Variants in GCNT1 observed in about 807,000 individuals in gnomAD.
GCNT1 encodes the protein glucosaminyl (N-acetyl) transferase 1, also known as beta-1,3-galactosyl-O-glycosyl-glycoprotein beta-1,6-N-acetylglucosaminyltransferase.
GCNT1 carries 16 observed loss-of-function variants against 26.2 expected under a neutral mutation model. The observed-to-expected ratio is 0.61, with a 90% CI of 0.41 to 0.93. The LOEUF is 0.93. Among genes scored for constraint, GCNT1 ranks in the 40% least tolerant of loss-of-function variants. The probability of loss-of-function intolerance (pLI) is 0.00; values close to 1 mark genes in which losing one functional copy is unlikely to be tolerated. For missense variants in GCNT1, 477 were observed against 526.7 expected, an observed-to-expected ratio of 0.91 and a Z score of 0.92; for synonymous variants, 183 against 190.8, an observed-to-expected ratio of 0.96 and a Z score of 0.34.
At chr9:76,455,037 A>G (rs1448545273), upstream of GCNT1, among the ~76,000 whole-genome samples, 1 of 151,800 alleles carries the variant, frequency 6.6e-6, no homozygotes, top group Non-Finnish European at 1.5e-5. Context: ...TAGTAGAGAC[A>G]GAGTTTCACC....
At chr9:76,464,782 G>T (rs1483039525) in intron 2 of GCNT1, among the ~76,000 whole-genome samples, 6 of 152,168 alleles carry the variant, frequency 3.9e-5, no homozygotes, top group Non-Finnish European at 8.8e-5. Context: ...CTTAAAAATT[G>T]AATATACTTC....
intron 1 of GCNT1, among the ~76,000 whole-genome samples, chr9:76,451,370 G>A (rs1004363594): frequency 6.6e-6 from 1 of 152,094 alleles, no homozygotes; most frequent in African/African-American, 2.4e-5. Context: ...CCTCCCTTTT[G>A]TTAATGATAA....
intron 1 of GCNT1, among the ~76,000 whole-genome samples, chr9:76,422,563 A>G (rs564763276): frequency 1.6e-4 from 25 of 152,152 alleles, no homozygotes; most frequent in Non-Finnish European, 2.5e-4. Context: ...GGTTTTTTTG[A>G]GACAGGGTTT....
the GCNT1 span, among the ~76,000 whole-genome samples, chr9:76,411,995 C>A: frequency 6.6e-6 from 1 of 152,162 alleles, no homozygotes; most frequent in African/African-American, 2.4e-5. Flanking sequence ...AGCCACCATG[C>A]CTGGCCAATT....
upstream of GCNT1, among the ~76,000 whole-genome samples, chr9:76,415,637 T>TTTAC (rs1219769958): frequency 5.3e-5 from 8 of 152,186 alleles, no homozygotes; most frequent in African/African-American, 1.9e-4. Context: ...CATAACCAGA[T>TTTAC]ATAAAATGGG....
chr9:76,411,697 C>CTTTTTTTTTT, the GCNT1 span, among the ~76,000 whole-genome samples: 5 of 83,650 alleles, frequency 6.0e-5, 1 homozygote, highest in African/African-American at 1.5e-4. Context: ...ATCAATTATA[C>CTTTTTTTTTT]TTTTTTTTTT....
intron 2 of GCNT1, among the ~76,000 whole-genome samples, chr9:76,470,685 A>G (rs2131604151): frequency 6.6e-6 from 1 of 152,214 alleles, no homozygotes; most frequent in Admixed American, 6.5e-5. Flanking sequence ...TGAAATGTGT[A>G]CATTTTATCA....
At chr9:76,406,130 A>C in the GCNT1 span, among the ~76,000 whole-genome samples, 2 of 152,158 alleles carry the variant, frequency 1.3e-5, no homozygotes, top group Non-Finnish European at 2.9e-5. Flanking sequence ...ATGACATATG[A>C]TGTGGAACAT....
intron 2 of GCNT1, among the ~76,000 whole-genome samples, chr9:76,492,967 C>G (rs1168462383): frequency 6.6e-6 from 1 of 152,106 alleles, no homozygotes; most frequent in Non-Finnish European, 1.5e-5. Context: ...GAGCTTTCTC[C>G]TGACATCTGC....
the GCNT1 span, chr9:76,394,375 G>A: frequency 2.2e-4 from 108 of 500,000 alleles, no homozygotes; most frequent in African/African-American, 2.1e-3. Flanking sequence ...ACCGCCGGGC[G>A]CCTGAGGAGC....
chr9:76,492,706 C>T (rs55720739), intron 2 of GCNT1, among the ~76,000 whole-genome samples: 12,271 of 150,914 alleles, frequency 0.081, 572 homozygotes, highest in Middle Eastern at 0.17. Flanking sequence ...TCTCGTTGGA[C>T]AATCTTTTTT....
At chr9:76,484,075 TATTCTATCAGAA>T (rs1824499935) in intron 2 of GCNT1, among the ~76,000 whole-genome samples, 2 of 152,208 alleles carry the variant, frequency 1.3e-5, no homozygotes, top group Admixed American at 1.3e-4. Flanking sequence ...TATTGGTATA[TATTCTATCAGAA>T]AGTAAAACTG....
At chr9:76,455,415 T>C (rs760085699), upstream of GCNT1, among the ~76,000 whole-genome samples, 3 of 152,168 alleles carry the variant, frequency 2.0e-5, no homozygotes, top group Non-Finnish European at 2.9e-5. Flanking sequence ...CGCATGTCTA[T>C]GGCCTTGTTG....
At position 76,502,849 on chromosome 9, in the gene GCNT1, A is replaced by G. The variant is rs771478745; in HGVS notation, c.468A>G (p.Thr156=). 1 of 1,614,118 alleles carries G rather than the reference A, an allele frequency of 6.2e-7. No homozygotes were observed. Among genetic ancestry groups the G allele is most frequent in the South Asian group, 1.1e-5 (1 of 91,084 alleles). The part of the protein sequence containing the change: ...PQNFYCIHVD[T]KSEDSYLAAV... ...ATTTCTATTGCATTCATGTGGACAC[A>G]AAATCCGAGGATTCCTATTTAGCTG... The change falls in exon 4 of 4, where the codon ACA becomes ACG. Residue 156 remains threonine, a synonymous_variant. Transcript: ENST00000376730.
At chr9:76,410,889 T>C in the GCNT1 span, among the ~76,000 whole-genome samples, 1 of 152,234 alleles carries the variant, frequency 6.6e-6, no homozygotes, top group Non-Finnish European at 1.5e-5. Flanking sequence ...ACATATACAC[T>C]ATGGATTGTT....
chr9:76,446,812 C>A (rs1823584607), intron 1 of GCNT1, among the ~76,000 whole-genome samples: 1 of 152,106 alleles, frequency 6.6e-6, no homozygotes, highest in Admixed American at 6.5e-5. Flanking sequence ...ATGGGCCAAG[C>A]ATAGTGGCTT....
chr9:76,435,237 G>A (rs1278402080), intron 1 of GCNT1, among the ~76,000 whole-genome samples: 2 of 152,070 alleles, frequency 1.3e-5, no homozygotes, highest in Non-Finnish European at 1.5e-5. Flanking sequence ...TGCGGCTCGG[G>A]TGGGCATCAT....
the GCNT1 span, among the ~76,000 whole-genome samples, chr9:76,396,618 G>T: frequency 6.6e-6 from 1 of 152,126 alleles, no homozygotes; most frequent in Non-Finnish European, 1.5e-5. Flanking sequence ...GAGGCCGGTG[G>T]ATCACTTGAG....
chr9:76,425,137 T>TAAAAAA (rs1194003045), intron 1 of GCNT1, among the ~76,000 whole-genome samples: 2 of 73,034 alleles, frequency 2.7e-5, no homozygotes, highest in Admixed American at 3.6e-4. Context: ...AAACTCCGTC[T>TAAAAAA]AAAAAAAAAA....
Sources: allele counts gnomAD v4.1 joint callset (sites outside exome capture counted in the v4.1 genomes callset), GRCh38; gene constraint gnomAD v4.1.1; transcripts MANE v1.5; gene names NCBI Gene and HGNC (gene_info 2026-07-23, HGNC 2026-07-21).